The following KIAA1671 variants were observed in gnomAD, a reference collection of about 807,000 sequenced individuals.
KIAA1671 encodes the protein KIAA1671, also known as uncharacterized protein KIAA1671.
In KIAA1671, 52 loss-of-function variants were observed where a neutral mutation model predicts 131.2. The ratio of observed to expected loss-of-function variants is 0.40; its 90% CI spans 0.32 to 0.50. The LOEUF (loss-of-function observed/expected upper bound fraction) is 0.50. Ranked by LOEUF, KIAA1671 falls within the 20% of genes least tolerant of loss-of-function variation. KIAA1671 has a pLI of 0.73. For synonymous variants in KIAA1671, 1,003 were observed against 961.6 expected (o/e 1.04, Z -0.80); for missense variants, 2,360 against 2,364.2 (o/e 1.00, Z 0.04).
intron 1 of KIAA1671, among the ~76,000 whole-genome samples, chr22:24,988,458 G>T (rs1457969648): frequency 6.6e-6 from 1 of 151,916 alleles, no homozygotes; most frequent in Admixed American, 6.6e-5. Context: ...AAATGGGTTT[G>T]GGGCTGGGTG....
rs56330547 is a variant in KIAA1671, at chr22:25,130,532, C to G, written c.4531-40288C>G. On this transcript the variant is annotated intron_variant, in intron 6 of 12. Transcript: ENST00000358431. ...TGCAAAGAGAAAGAGATTTGTCATA[C>G]TCTGAAAACTTAATTAAACACTTTG... is the stretch of plus-strand genomic sequence containing the variant. Among the ~76,000 whole-genome samples, 443 of 152,284 alleles carry G rather than the reference C, an allele frequency of 2.9e-3. 5 individuals are homozygous for G. The highest frequency in any genetic ancestry group is 0.01 in the African/African-American group (423 of 41,552).
intron 6 of KIAA1671, chr22:25,062,827 C>CCCCGCCACCTGCCA (rs1555874923): frequency 1.0e-5 from 1 of 98,936 alleles, no homozygotes; most frequent in Non-Finnish European, 2.2e-5. Context: ...CACCCCCGCC[C>CCCCGCCACCTGCCA]CCCGCCACCC....
intron 6 of KIAA1671, among the ~76,000 whole-genome samples, chr22:25,084,252 G>A (rs940191394): frequency 2.0e-5 from 3 of 152,012 alleles, no homozygotes; most frequent in Non-Finnish European, 4.4e-5. Flanking sequence ...CGAGGCGGGC[G>A]GATCACCGAG....
chr22:25,186,527 G>C (rs964856251), intron 11 of KIAA1671: 7 of 152,290 alleles, frequency 4.6e-5, no homozygotes, highest in Non-Finnish European at 1.0e-4. Flanking sequence ...GATCCCTTGA[G>C]CCCAGGAGAT....
chr22:24,969,111 G>T (rs569177070), intron 1 of KIAA1671, among the ~76,000 whole-genome samples: 1 of 152,180 alleles, frequency 6.6e-6, no homozygotes, highest in Non-Finnish European at 1.5e-5. Flanking sequence ...TTGTTGCCTA[G>T]GTTGGTCTTG....
intron 4 of KIAA1671, among the ~76,000 whole-genome samples, chr22:25,035,646 C>G (rs920703201): frequency 2.6e-5 from 4 of 152,044 alleles, no homozygotes; most frequent in South Asian, 2.1e-4. Flanking sequence ...AATTAAAGCT[C>G]CTTATATTTG....
chr22:25,172,389 GCTGT>G (rs1426221905), intron 7 of KIAA1671, among the ~76,000 whole-genome samples: 1 of 152,214 alleles, frequency 6.6e-6, no homozygotes. Flanking sequence ...GGTGCCACCT[GCTGT>G]CTCTCAGTGC....
At chr22:24,968,945 G>C (rs1922451752) in intron 1 of KIAA1671, among the ~76,000 whole-genome samples, 2 of 152,146 alleles carry the variant, frequency 1.3e-5, no homozygotes, top group South Asian at 4.1e-4. Context: ...TGTCACCCAG[G>C]TAGGAGTGCA....
At chr22:25,044,611 A>G (rs1427502328) in intron 5 of KIAA1671, among the ~76,000 whole-genome samples, 5 of 143,628 alleles carry the variant, frequency 3.5e-5, no homozygotes, top group Non-Finnish European at 6.0e-5. Flanking sequence ...GTCTCCTGCC[A>G]AAAGATCTTT....
intron 6 of KIAA1671, among the ~76,000 whole-genome samples, chr22:25,135,915 A>C (rs1932658078): frequency 6.6e-6 from 1 of 152,256 alleles, no homozygotes; most frequent in Non-Finnish European, 1.5e-5. Context: ...GATGCTTTGC[A>C]TCCTTGCAGC....
chr22:25,099,583 C>G (rs1489112874), intron 6 of KIAA1671, among the ~76,000 whole-genome samples: 1 of 128,718 alleles, frequency 7.8e-6, no homozygotes, highest in Non-Finnish European at 1.6e-5. Flanking sequence ...TAGATAGAGT[C>G]TCGCTCAGTC....
At chr22:24,965,764 A>C (rs1361994634) in intron 1 of KIAA1671, among the ~76,000 whole-genome samples, 1 of 151,934 alleles carries the variant, frequency 6.6e-6, no homozygotes, top group African/African-American at 2.4e-5. Context: ...AAAAAAAAGA[A>C]AAGGATGAGC....
At chr22:25,103,954 T>C (rs1314441685) in intron 6 of KIAA1671, among the ~76,000 whole-genome samples, 1 of 152,172 alleles carries the variant, frequency 6.6e-6, no homozygotes, top group African/African-American at 2.4e-5. Flanking sequence ...GTGGTTATTA[T>C]TTCCACTGTA....
At chr22:25,138,381 A>C (rs373528578) in intron 6 of KIAA1671, among the ~76,000 whole-genome samples, 2 of 152,214 alleles carry the variant, frequency 1.3e-5, no homozygotes, top group Non-Finnish European at 2.9e-5. Context: ...TGCACCTGAG[A>C]CCAAGAGGGG....
intron 7 of KIAA1671, among the ~76,000 whole-genome samples, chr22:25,172,093 TGTTTA>T (rs1933869510): frequency 6.6e-6 from 1 of 152,188 alleles, no homozygotes; most frequent in African/African-American, 2.4e-5. Context: ...ATGAAATATG[TGTTTA>T]GTTATGAGCT....
At chr22:25,022,713 CCTCT>C (rs1877724150) in intron 1 of KIAA1671, 4 of 152,246 alleles carry the variant, frequency 2.6e-5, no homozygotes, top group African/African-American at 9.7e-5. Context: ...CCTGATGTCC[CCTCT>C]CTCACGGTCC....
At chr22:25,001,738 G>T (rs1252217474) in intron 1 of KIAA1671, among the ~76,000 whole-genome samples, 4 of 152,150 alleles carry the variant, frequency 2.6e-5, no homozygotes, top group Non-Finnish European at 5.9e-5. Flanking sequence ...TGCCAGGCTT[G>T]TCCAGCCTTT....
intron 6 of KIAA1671, among the ~76,000 whole-genome samples, chr22:25,156,012 C>CTT (rs57822676): frequency 0.025 from 899 of 35,336 alleles, 377 homozygotes; most frequent in Middle Eastern, 0.04. Flanking sequence ...TGTGTATGTG[C>CTT]TTTTTTTTTT....
intron 6 of KIAA1671, among the ~76,000 whole-genome samples, chr22:25,143,347 G>A (rs1932832951): frequency 6.6e-6 from 1 of 152,242 alleles, no homozygotes; most frequent in South Asian, 2.1e-4. Context: ...TGGGCAGGCT[G>A]AGCACATGGC....
Sources: gnomAD v4.1 joint callset for allele counts (sites outside exome capture counted in the v4.1 genomes callset) on GRCh38, gnomAD v4.1.1 for gene constraint, MANE v1.5 for transcripts, NCBI Gene and HGNC (gene_info 2026-07-23, HGNC 2026-07-21) for gene names.